Variants in NUDT21 observed in about 807,000 individuals in gnomAD.
NUDT21 encodes the protein cleavage and polyadenylation specificity factor subunit 5.
NUDT21 carries 5 observed loss-of-function variants against 29.8 expected under a neutral mutation model. That is an observed-to-expected ratio of 0.17 (90% CI 0.09 to 0.35). The LOEUF (loss-of-function observed/expected upper bound fraction) is 0.35, where lower values mean the gene tolerates loss of function less well. Ranked by LOEUF, NUDT21 falls within the 10% of genes least tolerant of loss-of-function variation. The probability of loss-of-function intolerance (pLI) is 1.00; values close to 1 mark genes in which losing one functional copy is unlikely to be tolerated. For synonymous variants in NUDT21, 113 were observed against 98.5 expected (o/e 1.15, Z -0.87); for missense variants, 76 against 276.0 (o/e 0.28, Z 5.13).
chr16:56,443,171 TA>T lies in NUDT21; in HGVS notation c.382-3426del, dbSNP rs1275253420. Among the ~76,000 whole-genome samples the T allele has an allele frequency of 4.0e-5, 6 of 151,552 alleles. No homozygotes were observed. The South Asian group carries it at 6.2e-4, about 16-fold the overall frequency. On this transcript the variant is annotated intron_variant, in intron 3 of 6. Coordinates refer to ENST00000300291, the MANE Select transcript of NUDT21 (RefSeq NM_007006.3). ...GTGTGCATGAGTGATAGGACTACAATATTTTTTTTTCTTTTTTTTTTTTGAG... is the reference window on the plus strand; with the variant it reads ...GTGTGCATGAGTGATAGGACTACAATTTTTTTTTTCTTTTTTTTTTTTGAG...
chr16:56,437,490 G>A (rs540344396), intron 4 of NUDT21, among the ~76,000 whole-genome samples: 36 of 152,218 alleles, frequency 2.4e-4, no homozygotes, highest in East Asian at 1.2e-3. Flanking sequence ...CCCACATTAC[G>A]CTACCTCTGA....
rs1265685305 is a variant in NUDT21, at chr16:56,434,673, T to G, written c.547+81A>C. 11 of 986,814 alleles carry G rather than the reference T, an allele frequency of 1.1e-5. No homozygotes were observed. In the East Asian group the frequency reaches 2.4e-4, roughly 21 times the overall value. The allele number at this position is 986,814 out of a possible 1,614,324, so 61.1% of individuals were successfully genotyped here. On this transcript the variant is annotated intron_variant, in intron 5 of 6. Transcript: ENST00000300291. ...ACAAACCCAAAAGTTCAAGGAACTT[T>G]GAGAAAACACAAATAGAGGTATCCT...
chr16:56,434,105 G>T (rs1351837044), intron 6 of NUDT21, among the ~76,000 whole-genome samples: 5 of 152,182 alleles, frequency 3.3e-5, no homozygotes, highest in Non-Finnish European at 7.3e-5. Flanking sequence ...ATCAGAATTA[G>T]GGAAGAGCAG....
In NUDT21 at chr16:56,451,108, G is replaced by A; in HGVS notation, c.95C>T (p.Thr32Ile). The change falls in exon 1 of 7, where the codon ACC becomes ATC. Residue 32 changes from threonine to isoleucine, a missense_variant. Around this residue, in one of 5 missense-constraint regions of NUDT21, gnomAD observed 20 missense variants for 26.3 expected, o/e 0.76. Transcript: ENST00000300291. ...TTACAGGTTGATGGTGCGCTCCAGGGTGAGGGGCTTCGTCTGCTGGATGTA... is the reference window on the plus strand; with the variant it reads ...TTACAGGTTGATGGTGCGCTCCAGGATGAGGGGCTTCGTCTGCTGGATGTA... ...NKYIQQTKPL[T>I]LERTINLYPL... 6.2e-7 allele frequency: 1 copy of A among 1,613,840 alleles called. No individual in the cohort carries two copies. Among genetic ancestry groups the A allele is most frequent in the Non-Finnish European group, 8.5e-7 (1 of 1,179,864 alleles).
At position 56,431,599 on chromosome 16, in the gene NUDT21, C is replaced by T. The variant is rs1962034246; in HGVS notation, c.*1113G>A. ...TGGCAAGATTCCTTTTTACATTAAG[C>T]CTATAGTCAACAAGTCTGTAATAAG... On this transcript the variant is annotated 3_prime_UTR_variant, in exon 7 of 7. Coordinates refer to ENST00000300291, the MANE Select transcript of NUDT21 (RefSeq NM_007006.3). 1 of 152,068 alleles carries T rather than the reference C, an allele frequency of 6.6e-6. No homozygotes were observed. Among genetic ancestry groups the T allele is most frequent in the Admixed American group, 6.5e-5 (1 of 15,276 alleles). 9.4% of individuals were successfully genotyped at this position (152,068 alleles called of 1,614,324 possible).
chr16:56,433,495 G>A (rs1329183653), intron 6 of NUDT21, among the ~76,000 whole-genome samples: 2 of 152,072 alleles, frequency 1.3e-5, no homozygotes, highest in African/African-American at 2.4e-5. Flanking sequence ...ATATATGGCT[G>A]GCTCTAATAG....
At chr16:56,434,576 T>G (rs1962073585) in intron 5 of NUDT21, 131 bp from the exon 6 acceptor site, 1 of 777,024 alleles carries the variant, frequency 1.3e-6, no homozygotes, top group Non-Finnish European at 2.1e-6. Context: ...ACATTTTGGT[T>G]GTGTCTTTCA....
In NUDT21 at chr16:56,434,441, CA is replaced by C; in HGVS notation, c.551del (p.Leu184CysfsTer11). ...LFLVQLQEKALFAVPKNYKLV... is the reference protein window; with the variant it reads ...LFLVQLQEKAXFAVPKNYKLV... ...GCTTGTAATTTTTAGGGACTGCAAA[CA>C]AGGCTAAAATAAAACAGAATTCATT... On this transcript the variant is annotated frameshift_variant, in exon 6 of 7. Coordinates refer to ENST00000300291, the MANE Select transcript of NUDT21 (RefSeq NM_007006.3). LOFTEE classifies it high-confidence loss of function. The C allele has an allele frequency of 6.3e-7, 1 of 1,583,382 alleles. No individual in the cohort carries two copies. Among genetic ancestry groups the C allele is most frequent in the Non-Finnish European group, 8.7e-7 (1 of 1,152,508 alleles).
chr16:56,440,660 A>G (rs1962148914), intron 3 of NUDT21, among the ~76,000 whole-genome samples: 1 of 152,244 alleles, frequency 6.6e-6, no homozygotes, highest in African/African-American at 2.4e-5. Context: ...TCAAAGGTAC[A>G]TGCTATATCA....
chr16:56,435,744 TA>T lies in NUDT21; in HGVS notation c.472-916del, dbSNP rs1313671598. 2.6e-3 allele frequency among the ~76,000 whole-genome samples: 13 copies of T among 4,938 alleles called. 1 individual carries two copies. The East Asian group carries it at 0.11, about 43-fold the overall frequency. 3.2% of individuals were successfully genotyped at this position (4,938 alleles called of 152,430 possible). A position where few individuals can be genotyped will look rare whatever the true frequency, so the allele number is the denominator to read the frequency against. Reference sequence around the variant, plus strand: ...CTGTCTCCCAAAAAAAAAAAAAAATTATATATATATATATATATATATATAT... The same window carrying T: ...CTGTCTCCCAAAAAAAAAAAAAAATTTATATATATATATATATATATATAT... On this transcript the variant is annotated intron_variant, in intron 4 of 6. Transcript: ENST00000300291.
In NUDT21 at chr16:56,434,905, G is replaced by C. The variant is rs150478510; in HGVS notation, c.472-76C>G. 5.9e-4 allele frequency: 512 copies of C among 865,984 alleles called. 4 individuals carry two copies. In the African/African-American group the frequency reaches 7.7e-3, roughly 13 times the overall value. The allele number at this position is 865,984 out of a possible 1,614,324, so 53.6% of individuals were successfully genotyped here. On this transcript the variant is annotated intron_variant, in intron 4 of 6. Transcript: ENST00000300291. ...CTTTACATGTTTACTCCCCAGTATA[G>C]TATAAACTGTTGGGAGAAGCATACT...
At chr16:56,441,696 T>C (rs1294950063) in intron 3 of NUDT21, among the ~76,000 whole-genome samples, 1 of 152,238 alleles carries the variant, frequency 6.6e-6, no homozygotes, top group Non-Finnish European at 1.5e-5. Flanking sequence ...GTTAGTATGA[T>C]CCGGTAGATC....
chr16:56,446,574 G>T, intron 3 of NUDT21, 52 bp downstream of exon 3: 1 of 1,024,300 alleles, frequency 9.8e-7, no homozygotes, highest in Non-Finnish European at 1.5e-6. Context: ...GACATTAAAA[G>T]CCAAATAACT....
intron 1 of NUDT21, among the ~76,000 whole-genome samples, chr16:56,448,861 T>C (rs1962247466): frequency 2.0e-5 from 3 of 152,212 alleles, no homozygotes; most frequent in Admixed American, 6.5e-5. Context: ...CCAAAAGCCC[T>C]TGACATTAAT....
intron 3 of NUDT21, among the ~76,000 whole-genome samples, chr16:56,444,998 A>G (rs890498157): frequency 1.8e-4 from 28 of 152,196 alleles, no homozygotes; most frequent in African/African-American, 6.5e-4. Context: ...AGCCTGGTCA[A>G]CATGGTGAAA....
At chr16:56,436,080 G>C (rs994694531) in intron 4 of NUDT21, among the ~76,000 whole-genome samples, 1 of 150,694 alleles carries the variant, frequency 6.6e-6, no homozygotes, top group Non-Finnish European at 1.5e-5. Flanking sequence ...GAGGGAAGTT[G>C]CTACCCGGGA....
At chr16:56,438,314 T>C (rs910519737) in intron 4 of NUDT21, among the ~76,000 whole-genome samples, 21 of 152,126 alleles carry the variant, frequency 1.4e-4, no homozygotes, top group African/African-American at 5.1e-4. Context: ...TGCCTGAGAG[T>C]TGTCCTTTTA....
chr16:56,450,811 T>TG (rs1342929119), intron 1 of NUDT21, among the ~76,000 whole-genome samples: 2 of 152,068 alleles, frequency 1.3e-5, no homozygotes, highest in African/African-American at 4.8e-5. Flanking sequence ...TCTGGAGAGG[T>TG]GGGGAAAGGA....
rs1355672642 is a variant in NUDT21 at position 56,430,992 on chromosome 16, G to T, written c.*1720C>A. 1 of 152,214 alleles carries T rather than the reference G, an allele frequency of 6.6e-6. No individual in the cohort carries two copies. Among genetic ancestry groups the T allele is most frequent in the Non-Finnish European group, 1.5e-5 (1 of 68,036 alleles). The allele number at this position is 152,214 out of a possible 1,614,324, so 9.4% of individuals were successfully genotyped here. A position where few individuals can be genotyped will look rare whatever the true frequency, so the allele number is the denominator to read the frequency against. On this transcript the variant is annotated 3_prime_UTR_variant, in exon 7 of 7. Coordinates refer to ENST00000300291, the MANE Select transcript of NUDT21 (RefSeq NM_007006.3). ...TCAACTCAAACACTCCTTACTGAGA[G>T]TACTTTATAAAACACACAACAAAAG...
Sources: gnomAD v4.1 joint callset for allele counts (sites outside exome capture counted in the v4.1 genomes callset) on GRCh38, gnomAD v4.1.1 for gene constraint, gnomAD v4.1.1 regional missense constraint, MANE v1.5 for transcripts, NCBI Gene and HGNC (gene_info 2026-07-23, HGNC 2026-07-21) for gene names.